ALOX5: variants seen among roughly 807,000 people sequenced by gnomAD.
The protein encoded by ALOX5 is polyunsaturated fatty acid 5-lipoxygenase.
Under a neutral mutation model 87.9 loss-of-function variants are expected in ALOX5, and 64 were observed. The ratio of observed to expected loss-of-function variants is 0.73; its 90% CI spans 0.60 to 0.90. ALOX5 has a LOEUF of 0.90. Among genes scored for constraint, ALOX5 ranks in the 40% least tolerant of loss-of-function variants. The pLI is 0.00. For missense variants in ALOX5, 822 were observed against 907.5 expected, an observed-to-expected ratio of 0.91 and a Z score of 1.21; for synonymous variants, 388 against 355.1, an observed-to-expected ratio of 1.09 and a Z score of -1.04.
At chr10:45,382,355 T>G in intron 1 of ALOX5, 128 bp from the exon 2 acceptor site, 1 of 945,946 alleles carries the variant, frequency 1.1e-6, no homozygotes, top group Admixed American at 2.3e-5. Context: ...TGCTGTTTTT[T>G]TAAGTGCTTT....
At chr10:45,437,477 C>T (rs1365328552) in intron 7 of ALOX5, among the ~76,000 whole-genome samples, 3 of 151,976 alleles carry the variant, frequency 2.0e-5, no homozygotes, top group Non-Finnish European at 2.9e-5. Context: ...TAAAGACTAA[C>T]TTTTTTTAAG....
chr10:45,378,466 T>TG (rs1483207688), intron 1 of ALOX5, among the ~76,000 whole-genome samples: 2 of 152,144 alleles, frequency 1.3e-5, no homozygotes. Flanking sequence ...GAGGGCCTGT[T>TG]GGGGGGTGTC....
chr10:45,428,134 C>A (rs1841793133), intron 6 of ALOX5, among the ~76,000 whole-genome samples: 1 of 147,196 alleles, frequency 6.8e-6, no homozygotes, highest in Non-Finnish European at 1.5e-5. Flanking sequence ...CCTTCCCCCG[C>A]AGCCCCCCTA....
intron 2 of ALOX5, among the ~76,000 whole-genome samples, chr10:45,393,719 C>A (rs1259649521): frequency 5.9e-5 from 9 of 152,154 alleles, no homozygotes; most frequent in African/African-American, 2.2e-4. Context: ...TGTCTCAGCC[C>A]AAAATCTCCT....
intron 10 of ALOX5, 27 bp downstream of exon 10, chr10:45,443,243 G>C (rs377111225): frequency 3.7e-6 from 6 of 1,605,582 alleles, no homozygotes; most frequent in Non-Finnish European, 4.3e-6. Flanking sequence ...CGGTGGTCCT[G>C]GGGGAGGAGC....
chr10:45,428,872 C>A, intron 7 of ALOX5, 108 bp downstream of exon 7: 1 of 1,427,608 alleles, frequency 7.0e-7, no homozygotes, highest in Non-Finnish European at 9.6e-7. Context: ...TCTTGAAAGA[C>A]ACTAGGGCTT....
chr10:45,415,300 C>T (rs1228511270), intron 4 of ALOX5, among the ~76,000 whole-genome samples: 1 of 152,160 alleles, frequency 6.6e-6, no homozygotes, highest in Admixed American at 6.5e-5. Context: ...ATGGATGAAG[C>T]TGGAAACCAT....
At chr10:45,395,290 A>G (rs969874148) in intron 2 of ALOX5, among the ~76,000 whole-genome samples, 24 of 152,208 alleles carry the variant, frequency 1.6e-4, no homozygotes, top group African/African-American at 5.8e-4. Flanking sequence ...AAAAGGATGA[A>G]TTCATGTCCT....
intron 2 of ALOX5, among the ~76,000 whole-genome samples, chr10:45,390,243 G>C (rs1229769232): frequency 3.3e-5 from 5 of 152,156 alleles, no homozygotes; most frequent in Non-Finnish European, 7.3e-5. Context: ...ATAATAATGA[G>C]AGACTTTAAC....
At chr10:45,383,640 C>T (rs1235432704) in intron 2 of ALOX5, among the ~76,000 whole-genome samples, 1 of 151,540 alleles carries the variant, frequency 6.6e-6, no homozygotes, top group Admixed American at 6.6e-5. Flanking sequence ...TGACTGTTAC[C>T]CCCATTTTAT....
At chr10:45,420,497 A>G (rs1841462431) in intron 4 of ALOX5, among the ~76,000 whole-genome samples, 1 of 152,286 alleles carries the variant, frequency 6.6e-6, no homozygotes, top group Admixed American at 6.5e-5. Flanking sequence ...AGCTTGCGTC[A>G]GAATCCCCTG....
rs572643270 is a variant in ALOX5, at chr10:45,443,459, G to T, written c.1495G>T (p.Val499Leu). 1 of 1,612,448 alleles carries T rather than the reference G, an allele frequency of 6.2e-7. No individual in the cohort carries two copies. Among genetic ancestry groups the T allele is most frequent in the African/African-American group, 1.3e-5 (1 of 74,892 alleles). The change falls in exon 11 of 14, where the codon GTG becomes TTG. Residue 499 changes from valine to leucine, a missense_variant. Coordinates refer to ENST00000374391, the MANE Select transcript of ALOX5 (RefSeq NM_000698.5). ...VVDIYYEGDQ[V>L]VEEDPELQDF... ...AGACATCTACTACGAGGGCGACCAG[G>T]TGGTGGAGGAGGACCCGGAGCTGCA...
chr10:45,384,489 G>C (rs543373505), intron 2 of ALOX5, among the ~76,000 whole-genome samples: 1 of 152,226 alleles, frequency 6.6e-6, no homozygotes, highest in South Asian at 2.1e-4. Context: ...TGTAGCATCA[G>C]CTGAAGGGGG....
intron 3 of ALOX5, among the ~76,000 whole-genome samples, chr10:45,411,766 C>G (rs1193367881): frequency 1.3e-5 from 2 of 152,210 alleles, no homozygotes; most frequent in Non-Finnish European, 2.9e-5. Context: ...CAGTCCAGGG[C>G]ACACACTGAT....
At chr10:45,437,286 G>A (rs1222895002) in intron 7 of ALOX5, among the ~76,000 whole-genome samples, 4 of 152,218 alleles carry the variant, frequency 2.6e-5, no homozygotes, top group African/African-American at 7.2e-5. Flanking sequence ...CTGGGAGGCG[G>A]AGGTTGCAGT....
intron 1 of ALOX5, among the ~76,000 whole-genome samples, chr10:45,382,112 G>C (rs3780899): frequency 6.6e-6 from 1 of 152,124 alleles, no homozygotes; most frequent in South Asian, 2.1e-4. Flanking sequence ...ATCATCGTGA[G>C]ATGTGATAAG....
chr10:45,375,578 C>A (rs1307941629), intron 1 of ALOX5, among the ~76,000 whole-genome samples: 6 of 152,188 alleles, frequency 3.9e-5, no homozygotes, highest in African/African-American at 1.4e-4. Context: ...CAAATACAAC[C>A]GGCAAGTTCA....
In ALOX5 at chr10:45,445,983, T is replaced by C. The variant is rs1417533659; in HGVS notation, c.*296T>C. On this transcript the variant is annotated 3_prime_UTR_variant, in exon 14 of 14. Coordinates refer to ENST00000374391, the MANE Select transcript of ALOX5 (RefSeq NM_000698.5). Reference sequence around the variant, plus strand: ...GACCACTGATAGATGTCTATTCTTGTTGGAGACATGGGATGATTATTTTCT... The same window carrying C: ...GACCACTGATAGATGTCTATTCTTGCTGGAGACATGGGATGATTATTTTCT... The C allele has an allele frequency of 1.5e-4, 59 of 386,696 alleles. No homozygotes were observed. Among genetic ancestry groups the C allele is most frequent in the Non-Finnish European group, 9.2e-6 (2 of 216,868 alleles). 24.0% of individuals were successfully genotyped at this position (386,696 alleles called of 1,614,324 possible). A position where few individuals can be genotyped will look rare whatever the true frequency, so the allele number is the denominator to read the frequency against.
chr10:45,445,774 T>C lies in ALOX5; in HGVS notation c.*87T>C. The C allele has an allele frequency of 7.0e-7, 1 of 1,425,968 alleles. No homozygotes were observed. Among genetic ancestry groups the C allele is most frequent in the Non-Finnish European group, 9.6e-7 (1 of 1,037,084 alleles). The allele number at this position is 1,425,968 out of a possible 1,614,324, so 88.3% of individuals were successfully genotyped here. On this transcript the variant is annotated 3_prime_UTR_variant, in exon 14 of 14. Transcript: ENST00000374391. The stretch of plus-strand genomic sequence containing the variant: ...CTGGCAGGCTGTCTGGCCAGGCCTC[T>C]TGGCAGTCACATCTCTTCCTCCGAG...
Sources: allele counts gnomAD v4.1 joint callset (sites outside exome capture counted in the v4.1 genomes callset), GRCh38; gene constraint gnomAD v4.1.1; transcripts MANE v1.5; gene names NCBI Gene and HGNC (gene_info 2026-07-23, HGNC 2026-07-21).